ARHGAP17: variants seen among roughly 807,000 people sequenced by gnomAD.
The protein encoded by ARHGAP17 is Rho GTPase activating protein 17.
ARHGAP17 carries 57 observed loss-of-function variants against 99.5 expected under a neutral mutation model. The ratio of observed to expected loss-of-function variants is 0.57; its 90% CI spans 0.46 to 0.71. The LOEUF (loss-of-function observed/expected upper bound fraction) is 0.71. Ranked by LOEUF, ARHGAP17 falls within the 30% of genes least tolerant of loss-of-function variation. The probability of loss-of-function intolerance (pLI) is 0.00; values close to 1 mark genes in which losing one functional copy is unlikely to be tolerated. For synonymous variants in ARHGAP17, 417 were observed against 429.6 expected (o/e 0.97, Z 0.36); for missense variants, 1,000 against 1,122.4 (o/e 0.89, Z 1.56).
rs940159965 is a variant in ARHGAP17, at chr16:24,931,039, G to A, written c.2260C>T (p.Pro754Ser). ...CTGGGGGGCGTTGGAGTCTGGGGAG[G>A]GGTGTGAGATGGCTGCTCAAGTCCA... ...EHGLEQPSHT[P>S]PQTPTPPSTP... The change falls in exon 19 of 20, where the codon CCT (proline) becomes TCT (serine). Residue 754 changes from proline to serine, a missense_variant. Pro to Ser is a moderately conservative substitution (Grantham distance 74, BLOSUM62 -1). Coordinates refer to ENST00000289968, the MANE Select transcript of ARHGAP17 (RefSeq NM_001006634.3). 5 of 1,610,256 alleles carry A rather than the reference G, an allele frequency of 3.1e-6. No homozygotes were observed. In the African/African-American group the frequency reaches 6.7e-5, roughly 22 times the overall value.
chr16:24,954,771 A>G, intron 9 of ARHGAP17, 41 bp from the exon 10 acceptor site: 1 of 1,606,110 alleles, frequency 6.2e-7, no homozygotes, highest in South Asian at 1.1e-5. Flanking sequence ...CAACAAACTC[A>G]CGGCATTACC....
At position 24,930,844 on chromosome 16, in the gene ARHGAP17, G is replaced by A; in HGVS notation, c.2455C>T (p.His819Tyr). The A allele has an allele frequency of 6.2e-7, 1 of 1,614,078 alleles. No individual in the cohort carries two copies. The highest frequency in any genetic ancestry group is 8.5e-7 in the Non-Finnish European group (1 of 1,179,998). The change falls in exon 19 of 20, where the codon CAC becomes TAC. Residue 819 changes from histidine to tyrosine, a missense_variant. His to Tyr is a moderately conservative substitution (Grantham distance 83, BLOSUM62 2). Transcript: ENST00000289968. Reference protein sequence around the residue: ...VPPPPQPPGVHSAGDSSLTNT... With the variant: ...VPPPPQPPGVYSAGDSSLTNT... ...GTGAGGCTGCTGTCCCCAGCTGAGT[G>A]GACACCAGGAGGTTGGGGGGGTGGG... is the stretch of plus-strand genomic sequence containing the variant.
chr16:24,966,328 C>A (rs1287935757), intron 6 of ARHGAP17, among the ~76,000 whole-genome samples: 1 of 152,046 alleles, frequency 6.6e-6, no homozygotes, highest in Admixed American at 6.6e-5. Flanking sequence ...GAGACCAGGT[C>A]TCTACTAAAA....
In ARHGAP17 at chr16:24,951,097, C is replaced by T. The variant is rs186045558; in HGVS notation, c.1046+1192G>A. ...GGAGTCAGCGCCATGAGAAAAAAGA[C>T]GAGGAGGTGGGCTGGCCAGCCAAGC... is the stretch of plus-strand genomic sequence containing the variant. On this transcript the variant is annotated intron_variant, in intron 12 of 19. Coordinates refer to ENST00000289968, the MANE Select transcript of ARHGAP17 (RefSeq NM_001006634.3). Among the ~76,000 whole-genome samples, 211 of 152,156 alleles carry T rather than the reference C, an allele frequency of 1.4e-3. No individual in the cohort carries two copies. The South Asian group carries it at 0.028, about 20-fold the overall frequency.
At chr16:24,930,170 A>G (rs1359202230) in intron 19 of ARHGAP17, among the ~76,000 whole-genome samples, 1 of 152,234 alleles carries the variant, frequency 6.6e-6, no homozygotes, top group African/African-American at 2.4e-5. Flanking sequence ...ACAGGTTCCC[A>G]CTGGGTCTAC....
chr16:24,980,038 A>G (rs1372672014), intron 1 of ARHGAP17, among the ~76,000 whole-genome samples: 1 of 152,166 alleles, frequency 6.6e-6, no homozygotes, highest in Non-Finnish European at 1.5e-5. Context: ...AGAGAAAGAA[A>G]AAGTATGTTT....
Position 24,977,257 on chromosome 16 carries a change from T to C in ARHGAP17, c.156A>G (p.Ala52=). Residue 52 remains alanine, a synonymous_variant, in exon 3 of 20, where the codon GCA becomes GCG. Coordinates refer to ENST00000289968, the MANE Select transcript of ARHGAP17 (RefSeq NM_001006634.3). ...CGGTGCCATGCTGGCCCTGGAAACA[T>C]GCCACCAAGCGCTTATGGGAATGGT... The part of the protein sequence containing the change: ...ICHHSHKRLV[A]CFQGQHGTDA... 1 of 1,595,922 alleles carries C rather than the reference T, an allele frequency of 6.3e-7. No homozygotes were observed. Among genetic ancestry groups the C allele is most frequent in the Non-Finnish European group, 8.6e-7 (1 of 1,167,406 alleles).
At chr16:24,926,451 G>A (rs1023856576) in intron 19 of ARHGAP17, among the ~76,000 whole-genome samples, 3 of 152,166 alleles carry the variant, frequency 2.0e-5, no homozygotes, top group Non-Finnish European at 2.9e-5. Context: ...CAGTAGAGAT[G>A]GGGTTTCCCC....
At chr16:24,981,940 A>T (rs748447030) in intron 1 of ARHGAP17, among the ~76,000 whole-genome samples, 2 of 152,232 alleles carry the variant, frequency 1.3e-5, no homozygotes, top group Non-Finnish European at 2.9e-5. Context: ...GAGGTACTTT[A>T]CATGAAAAGG....
chr16:24,999,031 C>T (rs965855736), intron 1 of ARHGAP17, among the ~76,000 whole-genome samples: 2 of 152,186 alleles, frequency 1.3e-5, no homozygotes, highest in African/African-American at 4.8e-5. Flanking sequence ...TGCCAGTGCC[C>T]ACCGCCATCA....
At chr16:24,985,199 C>T (rs2052825364) in intron 1 of ARHGAP17, among the ~76,000 whole-genome samples, 1 of 152,142 alleles carries the variant, frequency 6.6e-6, no homozygotes, top group Non-Finnish European at 1.5e-5. Context: ...CACACACACA[C>T]ACACACACTA....
intron 13 of ARHGAP17, 180 bp downstream of exon 13, chr16:24,949,224 C>G: frequency 2.0e-6 from 1 of 498,278 alleles, no homozygotes. Context: ...GCTTCAAATT[C>G]ATCATAATAT....
rs371811661 is a variant in ARHGAP17 at position 24,939,388 on chromosome 16, T to C, written c.1700A>G (p.Gln567Arg). Residue 567 changes from glutamine (Q) to arginine (R), a missense_variant, in exon 17 of 20, where the codon CAG (glutamine) becomes CGG (arginine). Physicochemically the swap from Gln to Arg is conservative, Grantham distance 43. Around this residue, in one of 2 missense-constraint regions of ARHGAP17, gnomAD observed 528 missense variants for 511.4 expected, o/e 1.03. Transcript: ENST00000289968. ...TVPSSAGILE[Q>R]GPSPGDGSPP... ...CCTGCCGTCGCCTGGGCTCGGCCCC[T>C]GCTCCAGTATGCCCGCGGAAGAGGG... 173 of 1,608,758 alleles carry C rather than the reference T, an allele frequency of 1.1e-4. No individual in the cohort carries two copies. Among genetic ancestry groups the C allele is most frequent in the Non-Finnish European group, 1.4e-4 (162 of 1,179,606 alleles).
chr16:24,948,884 A>C (rs2051551060), intron 13 of ARHGAP17: 1 of 152,004 alleles, frequency 6.6e-6, no homozygotes, highest in South Asian at 2.1e-4. Context: ...TTACATATTA[A>C]GTCAAAAGGA....
At chr16:24,951,781 G>A (rs1224812625) in intron 12 of ARHGAP17, among the ~76,000 whole-genome samples, 1 of 152,152 alleles carries the variant, frequency 6.6e-6, no homozygotes, top group Non-Finnish European at 1.5e-5. Flanking sequence ...AATTGACTAG[G>A]TTATCAGTAA....
At chr16:24,969,562 T>C (rs1271908819) in intron 4 of ARHGAP17, among the ~76,000 whole-genome samples, 1 of 152,266 alleles carries the variant, frequency 6.6e-6, no homozygotes, top group Non-Finnish European at 1.5e-5. Flanking sequence ...TGTGTTAACA[T>C]GGTTCTAAGT....
At chr16:24,977,377 A>C in intron 2 of ARHGAP17, 58 bp from the exon 3 acceptor site, 1 of 1,410,336 alleles carries the variant, frequency 7.1e-7, no homozygotes, top group Admixed American at 1.9e-5. Flanking sequence ...TGGTGTCTGC[A>C]TGCTGGTAGG....
chr16:24,961,972 GT>G (rs59272654), intron 7 of ARHGAP17, among the ~76,000 whole-genome samples: 3 of 136,768 alleles, frequency 2.2e-5, no homozygotes, highest in Admixed American at 7.3e-5. Context: ...GAGAGAGTTT[GT>G]TTTTTTTTTA....
In ARHGAP17 at chr16:24,939,468, TG is replaced by T; in HGVS notation, c.1619del (p.Pro540GlnfsTer58). 1 of 1,611,362 alleles carries T rather than the reference TG, an allele frequency of 6.2e-7. No individual in the cohort carries two copies. The highest frequency in any genetic ancestry group is 8.5e-7 in the Non-Finnish European group (1 of 1,179,260). ...CCCTAGAGCTCTGGGGAGGGGGCTCTGGGCCAGCGGGCACCACGGTGCTGCC... is the reference window on the plus strand; with the variant it reads ...CCCTAGAGCTCTGGGGAGGGGGCTCTGGCCAGCGGGCACCACGGTGCTGCC... ...TDGSTVVPAG[P>X]EPPPQSSRAE... On this transcript the variant is annotated frameshift_variant, in exon 17 of 20. Coordinates refer to ENST00000289968, the MANE Select transcript of ARHGAP17 (RefSeq NM_001006634.3). LOFTEE classifies it high-confidence loss of function.
Sources: allele counts gnomAD v4.1 joint callset (sites outside exome capture counted in the v4.1 genomes callset), GRCh38; gene constraint gnomAD v4.1.1; regional missense constraint gnomAD v4.1.1; transcripts MANE v1.5; gene names NCBI Gene and HGNC (gene_info 2026-07-23, HGNC 2026-07-21).